Variants in SORCS3 observed in about 807,000 individuals in gnomAD.
SORCS3 encodes VPS10 domain-containing receptor SorCS3.
Under a neutral mutation model 146.3 loss-of-function variants are expected in SORCS3, and 57 were observed. That is an observed-to-expected ratio of 0.39 (90% CI 0.31 to 0.49). SORCS3 has a LOEUF of 0.49. Ranked by LOEUF, SORCS3 falls within the 20% of genes least tolerant of loss-of-function variation. The pLI, the probability that SORCS3 is intolerant of heterozygous loss-of-function variation, is 0.92. For synonymous variants in SORCS3, 653 were observed against 618.5 expected (o/e 1.06, Z -0.83); for missense variants, 1,341 against 1,575.5 (o/e 0.85, Z 2.52).
At chr10:104,849,602 T>A (rs990773621) in intron 2 of SORCS3, among the ~76,000 whole-genome samples, 2 of 152,196 alleles carry the variant, frequency 1.3e-5, no homozygotes, top group African/African-American at 4.8e-5. Context: ...AGCAATGTTT[T>A]CATCTCTTTG....
chr10:104,950,449 C>T (rs1017217426), intron 3 of SORCS3, among the ~76,000 whole-genome samples: 1 of 152,060 alleles, frequency 6.6e-6, no homozygotes, highest in African/African-American at 2.4e-5. Flanking sequence ...TTCATAGGGT[C>T]CATGGGAAAG....
intron 20 of SORCS3, among the ~76,000 whole-genome samples, chr10:105,231,232 T>C (rs2056763726): frequency 6.6e-6 from 1 of 152,242 alleles, no homozygotes; most frequent in African/African-American, 2.4e-5. Context: ...TGTTTCTTCT[T>C]TGTGGAGAAG....
In SORCS3 at chr10:104,803,845, C is replaced by T. The variant is rs906268459; in HGVS notation, c.628-38947C>T. Among the ~76,000 whole-genome samples, 4 of 152,178 alleles carry T rather than the reference C, an allele frequency of 2.6e-5. No individual in the cohort carries two copies. In the East Asian group the frequency reaches 7.7e-4, roughly 29 times the overall value. On this transcript the variant is annotated intron_variant, in intron 1 of 26. Coordinates refer to ENST00000369701, the MANE Select transcript of SORCS3 (RefSeq NM_014978.3). Reference sequence around the variant, plus strand: ...CTCCAGCTCTTCCTTGGAGAGTCCTCTGCCTCCTCCAGGGCCCAAGGTTTC... The same window carrying T: ...CTCCAGCTCTTCCTTGGAGAGTCCTTTGCCTCCTCCAGGGCCCAAGGTTTC...
At chr10:104,880,400 CT>C (rs1202765913) in intron 2 of SORCS3, among the ~76,000 whole-genome samples, 1 of 152,158 alleles carries the variant, frequency 6.6e-6, no homozygotes, top group African/African-American at 2.4e-5. Flanking sequence ...CTGTTCTATG[CT>C]CCCTGCCTTT....
chr10:104,993,980 T>C lies in SORCS3; in HGVS notation c.954+16487T>C, dbSNP rs564274309. On this transcript the variant is annotated intron_variant, in intron 4 of 26. Transcript: ENST00000369701. ...AAAGAAATTTTCTCATAGTGAATAC[T>C]GGTAAAAAGGAAAATGAAGAAAAGA... Among the ~76,000 whole-genome samples the C allele has an allele frequency of 2.6e-5, 4 of 152,248 alleles. No homozygotes were observed. In the South Asian group the frequency reaches 6.2e-4, roughly 24 times the overall value.
intron 4 of SORCS3, among the ~76,000 whole-genome samples, chr10:105,038,327 G>A (rs576286862): frequency 6.6e-6 from 1 of 152,324 alleles, no homozygotes; most frequent in Non-Finnish European, 1.5e-5. Context: ...ATGCAGGACT[G>A]TATAAACATC....
chr10:105,095,832 T>C (rs1311722616), intron 6 of SORCS3, among the ~76,000 whole-genome samples: 1 of 152,120 alleles, frequency 6.6e-6, no homozygotes, highest in Non-Finnish European at 1.5e-5. Flanking sequence ...AGGTTCCTTT[T>C]TCCTAATTAT....
chr10:105,256,110 A>G (rs183636633), intron 24 of SORCS3, among the ~76,000 whole-genome samples: 15 of 152,240 alleles, frequency 9.9e-5, no homozygotes, highest in African/African-American at 2.6e-4. Context: ...TTTGTCTGTG[A>G]CAGTTGGGAT....
chr10:104,909,586 C>G (rs965633093), intron 2 of SORCS3, among the ~76,000 whole-genome samples: 1 of 151,884 alleles, frequency 6.6e-6, no homozygotes, highest in African/African-American at 2.4e-5. Context: ...GGACTGAGGA[C>G]CAGGGTGGTA....
intron 2 of SORCS3, among the ~76,000 whole-genome samples, chr10:104,900,560 C>T (rs556038847): frequency 1.8e-4 from 28 of 152,238 alleles, no homozygotes; most frequent in Admixed American, 1.4e-3. Flanking sequence ...TAATCTTATT[C>T]TACTGATCTG....
intron 1 of SORCS3, among the ~76,000 whole-genome samples, chr10:104,697,447 G>C (rs772121215): frequency 6.6e-6 from 1 of 152,168 alleles, no homozygotes; most frequent in Non-Finnish European, 1.5e-5. Flanking sequence ...AGATTTGGAC[G>C]AGGAAAGGGT....
chr10:104,910,024 G>A (rs1171760244), intron 2 of SORCS3, among the ~76,000 whole-genome samples: 2 of 152,186 alleles, frequency 1.3e-5, no homozygotes, highest in Admixed American at 1.3e-4. Context: ...AAGTCCTTCG[G>A]AATGCCTCTG....
chr10:104,989,028 C>A (rs529172654), intron 4 of SORCS3, among the ~76,000 whole-genome samples: 1 of 152,286 alleles, frequency 6.6e-6, no homozygotes, highest in Admixed American at 6.5e-5. Flanking sequence ...AATGCACAAA[C>A]TGAATGAAGT....
intron 4 of SORCS3, among the ~76,000 whole-genome samples, chr10:105,026,641 C>A (rs1442899808): frequency 6.6e-6 from 1 of 152,156 alleles, no homozygotes; most frequent in Non-Finnish European, 1.5e-5. Context: ...GAATACGACA[C>A]AGCTGTAAAA....
intron 1 of SORCS3, among the ~76,000 whole-genome samples, chr10:104,764,152 G>A (rs983985332): frequency 1.3e-5 from 2 of 152,128 alleles, no homozygotes; most frequent in Non-Finnish European, 2.9e-5. Context: ...AAATAATGAT[G>A]AAAATAGTGA....
intron 4 of SORCS3, among the ~76,000 whole-genome samples, chr10:104,988,122 G>A (rs541069934): frequency 6.6e-6 from 1 of 151,982 alleles, no homozygotes; most frequent in South Asian, 2.1e-4. Flanking sequence ...GACTCTTGAA[G>A]GGCATTCTAA....
chr10:104,926,159 T>G (rs1422847587), intron 3 of SORCS3, among the ~76,000 whole-genome samples: 1 of 152,154 alleles, frequency 6.6e-6, no homozygotes, highest in Non-Finnish European at 1.5e-5. Context: ...CCCAGAGGCT[T>G]GGATTTTTAA....
chr10:104,901,034 C>G (rs2018846096), intron 2 of SORCS3, among the ~76,000 whole-genome samples: 1 of 152,156 alleles, frequency 6.6e-6, no homozygotes, highest in African/African-American at 2.4e-5. Context: ...CAATACTCAA[C>G]CCTCTTTCAA....
intron 1 of SORCS3, among the ~76,000 whole-genome samples, chr10:104,798,845 AT>A (rs1404386075): frequency 6.6e-6 from 1 of 151,958 alleles, no homozygotes; most frequent in African/African-American, 2.4e-5. Context: ...GCTTAAACAA[AT>A]TTACAAGAAA....
Sources: allele counts gnomAD v4.1 joint callset (sites outside exome capture counted in the v4.1 genomes callset), GRCh38; gene constraint gnomAD v4.1.1; transcripts MANE v1.5; gene names NCBI Gene and HGNC (gene_info 2026-07-23, HGNC 2026-07-21).